The following AAK1 variants were observed in gnomAD, a reference collection of about 807,000 sequenced individuals.
The protein encoded by AAK1 is AP2 associated kinase 1.
In AAK1, 37 loss-of-function variants were observed where a neutral mutation model predicts 116.0. The observed-to-expected ratio is 0.32, with a 90% confidence interval of 0.25 to 0.42. The LOEUF (loss-of-function observed/expected upper bound fraction) is 0.42. Ranked by LOEUF, AAK1 falls within the 10% of genes least tolerant of loss-of-function variation. The pLI, the probability that AAK1 is intolerant of heterozygous loss-of-function variation, is 1.00. For missense variants in AAK1, 919 were observed against 1,170.6 expected (o/e 0.79, Z 3.14); for synonymous variants, 458 against 439.9 (o/e 1.04, Z -0.51).
chr2:69,478,288 T>C (rs951134543), intron 20 of AAK1, among the ~76,000 whole-genome samples: 32 of 152,254 alleles, frequency 2.1e-4, no homozygotes, highest in Non-Finnish European at 2.9e-5. Context: ...AGGCAGTAGA[T>C]AGTCACTTCA....
chr2:69,593,192 GT>G (rs919061896), intron 2 of AAK1, among the ~76,000 whole-genome samples: 62 of 152,272 alleles, frequency 4.1e-4, no homozygotes, highest in African/African-American at 1.4e-3. Flanking sequence ...CTGATGAAAT[GT>G]AGAAGTATAT....
At chr2:69,600,327 A>G (rs1673518181) in intron 2 of AAK1, among the ~76,000 whole-genome samples, 1 of 149,144 alleles carries the variant, frequency 6.7e-6, no homozygotes, top group Non-Finnish European at 1.5e-5. Flanking sequence ...TCAGTTTGTG[A>G]ATAAAGAGGA....
chr2:69,569,129 C>T (rs1671993605), intron 2 of AAK1, among the ~76,000 whole-genome samples: 1 of 152,170 alleles, frequency 6.6e-6, no homozygotes, highest in South Asian at 2.1e-4. Flanking sequence ...TATGGAATGA[C>T]TCCTCTTAAA....
chr2:69,530,696 G>A lies in AAK1; in HGVS notation c.667C>T (p.Leu223=), dbSNP rs1670219530. The change falls in exon 7 of 22, where the codon CTG becomes TTG. Residue 223 remains leucine, a synonymous_variant. Coordinates refer to ENST00000409085, the MANE Select transcript of AAK1 (RefSeq NM_014911.5). ...VEDEIKKYTT[L]SYRAPEMVNL... is the part of the protein sequence containing the mutation. ...ACCATTTCTGGTGCTCGATAGGACA[G>A]CGTTGTGTATCTACAATCAAGAGAT... is the stretch of plus-strand genomic sequence containing the variant. The A allele has an allele frequency of 6.2e-7, 1 of 1,612,368 alleles. No individual in the cohort carries two copies. The highest frequency in any genetic ancestry group is 1.3e-5 in the African/African-American group (1 of 74,896).
intron 2 of AAK1, among the ~76,000 whole-genome samples, chr2:69,621,969 G>A (rs1034227000): frequency 9.2e-5 from 14 of 152,230 alleles, no homozygotes; most frequent in Admixed American, 2.6e-4. Flanking sequence ...CGGCCTTGGC[G>A]CCCACTCTGG....
chr2:69,599,877 A>G (rs916857548), intron 2 of AAK1, among the ~76,000 whole-genome samples: 12 of 152,020 alleles, frequency 7.9e-5, no homozygotes, highest in Non-Finnish European at 1.3e-4. Flanking sequence ...TCCCGGGTGC[A>G]ATCAGTCCTC....
chr2:69,528,915 A>G (rs190628902), intron 8 of AAK1, among the ~76,000 whole-genome samples: 10 of 152,350 alleles, frequency 6.6e-5, no homozygotes, highest in Non-Finnish European at 1.2e-4. Flanking sequence ...CTGGAATTCT[A>G]ACATGGACAT....
chr2:69,586,665 G>C (rs1477854883), intron 2 of AAK1, among the ~76,000 whole-genome samples: 1 of 152,134 alleles, frequency 6.6e-6, no homozygotes, highest in Non-Finnish European at 1.5e-5. Context: ...CTGGGCCTTA[G>C]TTTTCTCTCC....
At chr2:69,492,277 G>A (rs527707200) in intron 17 of AAK1, among the ~76,000 whole-genome samples, 11 of 151,788 alleles carry the variant, frequency 7.2e-5, no homozygotes, top group Admixed American at 7.2e-4. Context: ...GCAGTGGCGC[G>A]ATCTCAGCTC....
chr2:69,532,991 T>A (rs192999452), intron 5 of AAK1, among the ~76,000 whole-genome samples: 2 of 152,180 alleles, frequency 1.3e-5, no homozygotes, highest in Admixed American at 1.3e-4. Context: ...GTGTACTGAT[T>A]TTGGGTCTAG....
chr2:69,526,032 A>G (rs554290903), intron 9 of AAK1, among the ~76,000 whole-genome samples: 68 of 152,096 alleles, frequency 4.5e-4, no homozygotes, highest in African/African-American at 1.6e-3. Flanking sequence ...CTGCTAGAAA[A>G]CTTCTAGCAC....
intron 6 of AAK1, among the ~76,000 whole-genome samples, chr2:69,531,340 G>C (rs1670245922): frequency 6.6e-6 from 1 of 152,164 alleles, no homozygotes; most frequent in Admixed American, 6.5e-5. Flanking sequence ...CAGGGCCTTG[G>C]GTCGATCAGG....
chr2:69,510,201 C>T (rs1450784131), intron 13 of AAK1, among the ~76,000 whole-genome samples: 1 of 152,160 alleles, frequency 6.6e-6, no homozygotes, highest in African/African-American at 2.4e-5. Context: ...CCTCCTCCCA[C>T]CCTCCACCTT....
At chr2:69,643,480 A>T in intron 1 of AAK1, 95 bp downstream of exon 1, 1 of 1,214,294 alleles carries the variant, frequency 8.2e-7, no homozygotes, top group Non-Finnish European at 1.0e-6. Context: ...GAGGGATCCG[A>T]GCTGCTCCGG....
rs142482545 is a variant in AAK1 at position 69,476,696 on chromosome 2, C to T, written c.2791+184G>A. On this transcript the variant is annotated intron_variant, in intron 21 of 21. Transcript: ENST00000409085. ...AAGACTTCTCTCTAAATAAACACCACGGTCAAACTTTAAAGATACCTATCT... is the reference window on the plus strand; with the variant it reads ...AAGACTTCTCTCTAAATAAACACCATGGTCAAACTTTAAAGATACCTATCT... Among the ~76,000 whole-genome samples the T allele has an allele frequency of 7.1e-3, 1,079 of 152,276 alleles. 11 individuals carry two copies. The highest frequency in any genetic ancestry group is 0.025 in the African/African-American group (1,025 of 41,554).
chr2:69,471,972 T>A lies in AAK1; in HGVS notation c.*3897A>T, dbSNP rs67711978. ...TTTGTTTTTCCACAAGTATTAGCAA[T>A]CCAAGTTGTGTAATTCTAATTCAGG... On this transcript the variant is annotated 3_prime_UTR_variant, in exon 22 of 22. Coordinates refer to ENST00000409085, the MANE Select transcript of AAK1 (RefSeq NM_014911.5). 170,890 of 985,088 alleles carry A rather than the reference T, an allele frequency of 0.17. 15,189 individuals are homozygous for A. Among genetic ancestry groups the A allele is most frequent in the Non-Finnish European group, 0.18 (149,846 of 829,674 alleles). The allele number at this position is 985,088 out of a possible 1,614,324, so 61.0% of individuals were successfully genotyped here.
At position 69,500,805 on chromosome 2, in the gene AAK1, A is replaced by G. The variant is rs1156904038; in HGVS notation, c.2270-4725T>C. On this transcript the variant is annotated intron_variant, in intron 16 of 21. Transcript: ENST00000409085. The stretch of plus-strand genomic sequence containing the variant: ...AACAAAAACAAAATAAACCTCATTA[A>G]AAAACAGCTCATACAAACAGTGAAA... Among the ~76,000 whole-genome samples the G allele has an allele frequency of 2.6e-5, 4 of 151,376 alleles. No individual in the cohort carries two copies. In the East Asian group the frequency reaches 7.8e-4, roughly 29 times the overall value.
At chr2:69,562,612 C>A (rs1226552468) in intron 2 of AAK1, among the ~76,000 whole-genome samples, 1 of 152,120 alleles carries the variant, frequency 6.6e-6, no homozygotes, top group Non-Finnish European at 1.5e-5. Flanking sequence ...CAAAGACAGG[C>A]CAGACACGGT....
At chr2:69,559,581 C>T (rs967640217) in intron 2 of AAK1, among the ~76,000 whole-genome samples, 1 of 152,144 alleles carries the variant, frequency 6.6e-6, no homozygotes, top group Non-Finnish European at 1.5e-5. Context: ...TAAAAAATCA[C>T]GGAACTACAG....
Sources: gnomAD v4.1 joint callset for allele counts (sites outside exome capture counted in the v4.1 genomes callset) on GRCh38, gnomAD v4.1.1 for gene constraint, MANE v1.5 for transcripts, NCBI Gene and HGNC (gene_info 2026-07-23, HGNC 2026-07-21) for gene names.